TP63: variants seen among roughly 807,000 people sequenced by gnomAD.
TP63 encodes tumor protein p63, also known as tumor protein 63.
Under a neutral mutation model 82.8 loss-of-function variants are expected in TP63, and 17 were observed. The ratio of observed to expected loss-of-function variants is 0.21; its 90% confidence interval spans 0.14 to 0.31. The LOEUF (loss-of-function observed/expected upper bound fraction) is 0.31, where lower values mean the gene tolerates loss of function less well. Among genes scored for constraint, TP63 ranks in the 10% least tolerant of loss-of-function variants. The pLI is 1.00. For synonymous variants in TP63, 330 were observed against 321.7 expected, an observed-to-expected ratio of 1.03 and a Z score of -0.28; for missense variants, 648 against 895.3, an observed-to-expected ratio of 0.72 and a Z score of 3.52.
intron 1 of TP63, among the ~76,000 whole-genome samples, chr3:189,644,226 C>T (rs988026772): frequency 1.3e-5 from 2 of 150,792 alleles, no homozygotes; most frequent in African/African-American, 4.9e-5. Context: ...ATACCCCCAG[C>T]TTGCACCAAG....
intron 3 of TP63, among the ~76,000 whole-genome samples, chr3:189,772,485 T>G (rs896133892): frequency 8.5e-5 from 13 of 152,204 alleles, no homozygotes; most frequent in African/African-American, 3.1e-4. Flanking sequence ...CATACCAACT[T>G]GAGACTAGCA....
intron 1 of TP63, among the ~76,000 whole-genome samples, chr3:189,669,507 C>G (rs1714710268): frequency 6.6e-6 from 1 of 151,796 alleles, no homozygotes; most frequent in Non-Finnish European, 1.5e-5. Flanking sequence ...CTCGAATTTT[C>G]CTGAGGAAAC....
intron 3 of TP63, chr3:189,739,003 C>A: frequency 1.7e-6 from 1 of 589,862 alleles, no homozygotes; most frequent in Non-Finnish European, 2.9e-6. Flanking sequence ...GAGGGAGATT[C>A]TTTACATCTT....
chr3:189,886,060 T>C (rs1305033167), intron 10 of TP63, among the ~76,000 whole-genome samples: 4 of 152,100 alleles, frequency 2.6e-5, no homozygotes, highest in African/African-American at 9.7e-5. Context: ...TTCAAACTCA[T>C]TTGAGTTGAA....
chr3:189,858,864 G>A (rs886508821), intron 4 of TP63, among the ~76,000 whole-genome samples: 5 of 152,204 alleles, frequency 3.3e-5, no homozygotes, highest in African/African-American at 1.2e-4. Flanking sequence ...AATAAGCCAG[G>A]CACAGAAAGA....
intron 3 of TP63, among the ~76,000 whole-genome samples, chr3:189,793,263 C>A (rs1725345707): frequency 6.6e-6 from 1 of 151,956 alleles, no homozygotes; most frequent in African/African-American, 2.4e-5. Context: ...TTATCCTTTA[C>A]CTCGATAAGG....
intron 1 of TP63, among the ~76,000 whole-genome samples, chr3:189,697,416 T>C (rs1453095646): frequency 6.6e-6 from 1 of 152,022 alleles, no homozygotes; most frequent in African/African-American, 2.4e-5. Flanking sequence ...ATAAGTATAT[T>C]CTTTTGTCAA....
intron 1 of TP63, among the ~76,000 whole-genome samples, chr3:189,680,686 G>A (rs1193775311): frequency 6.6e-6 from 1 of 152,204 alleles, no homozygotes; most frequent in East Asian, 1.9e-4. Flanking sequence ...GGACAGGCCT[G>A]TATCTTGGTT....
intron 3 of TP63, among the ~76,000 whole-genome samples, chr3:189,752,034 A>T (rs538605162): frequency 1.1e-3 from 175 of 152,296 alleles, no homozygotes; most frequent in African/African-American, 4.1e-3. Flanking sequence ...GAATTTGATT[A>T]TCTAATAGTT....
chr3:189,701,140 A>C (rs940380209), intron 1 of TP63, among the ~76,000 whole-genome samples: 2 of 152,098 alleles, frequency 1.3e-5, no homozygotes, highest in Non-Finnish European at 2.9e-5. Context: ...AGCCACATGG[A>C]GCTGTGAGTC....
At chr3:189,868,957 A>G (rs1577149035) in intron 8 of TP63, among the ~76,000 whole-genome samples, 1 of 152,176 alleles carries the variant, frequency 6.6e-6, no homozygotes, top group African/African-American at 2.4e-5. Flanking sequence ...TCAAAATGTG[A>G]CTTCCACACC....
chr3:189,722,781 GTTATA>G (rs763148327), intron 1 of TP63, among the ~76,000 whole-genome samples: 36 of 152,278 alleles, frequency 2.4e-4, no homozygotes, highest in African/African-American at 7.5e-4. Context: ...TGCAGTATGT[GTTATA>G]TTAATTATAA....
Position 189,689,571 on chromosome 3 carries a change from G to A in TP63, c.63-48169G>A, listed in dbSNP as rs190564089. On this transcript the variant is annotated intron_variant, in intron 1 of 13. Coordinates refer to ENST00000264731, the MANE Select transcript of TP63 (RefSeq NM_003722.5). ...ATTGTTGAGCTACTGGGGATTTCTT[G>A]AATCGTGTATTGGGAGTGTGCCAAA... Among the ~76,000 whole-genome samples the A allele has an allele frequency of 2.8e-4, 42 of 152,184 alleles. 2 individuals carry two copies. In the East Asian group the frequency reaches 3.9e-3, roughly 14 times the overall value.
intron 3 of TP63, among the ~76,000 whole-genome samples, chr3:189,761,798 A>C (rs1014375469): frequency 6.6e-6 from 1 of 152,246 alleles, no homozygotes; most frequent in Non-Finnish European, 1.5e-5. Flanking sequence ...TTGGACTTAC[A>C]GTTCCACATG....
At chr3:189,816,217 A>G (rs967909727) in intron 4 of TP63, among the ~76,000 whole-genome samples, 2 of 152,228 alleles carry the variant, frequency 1.3e-5, no homozygotes, top group South Asian at 4.1e-4. Flanking sequence ...AAGTATAAAG[A>G]GAAAATAATG....
intron 3 of TP63, among the ~76,000 whole-genome samples, chr3:189,764,640 G>A (rs1469673065): frequency 6.6e-6 from 1 of 152,086 alleles, no homozygotes; most frequent in African/African-American, 2.4e-5. Flanking sequence ...TATCCATTGT[G>A]TTTAGGAAAG....
the TP63 span, among the ~76,000 whole-genome samples, chr3:189,609,688 A>T: frequency 1.3e-5 from 2 of 152,106 alleles, no homozygotes; most frequent in Non-Finnish European, 2.9e-5. Flanking sequence ...ACCTCCATTC[A>T]TGTTCATGCA....
intron 1 of TP63, among the ~76,000 whole-genome samples, chr3:189,720,140 G>A (rs7615280): frequency 0.94 from 142,217 of 152,068 alleles, 66,762 homozygotes; most frequent in Non-Finnish European, 0.98. Context: ...CGCCACCTCT[G>A]TCTCAGAGCT....
At chr3:189,617,545 G>A in the TP63 span, among the ~76,000 whole-genome samples, 1 of 152,116 alleles carries the variant, frequency 6.6e-6, no homozygotes, top group Non-Finnish European at 1.5e-5. Context: ...TACACTCCAG[G>A]ATTTTTCTGA....
Sources: gnomAD v4.1 joint callset for allele counts (sites outside exome capture counted in the v4.1 genomes callset) on GRCh38, gnomAD v4.1.1 for gene constraint, MANE v1.5 for transcripts, NCBI Gene and HGNC (gene_info 2026-07-23, HGNC 2026-07-21) for gene names.